Variants in SALL3 observed in about 807,000 individuals in gnomAD.
The protein encoded by SALL3 is spalt like transcription factor 3.
Under a neutral mutation model 66.2 loss-of-function variants are expected in SALL3, and 25 were observed. That is an observed-to-expected ratio of 0.38 (90% CI 0.28 to 0.53). The LOEUF is 0.53. Among genes scored for constraint, SALL3 ranks in the 20% least tolerant of loss-of-function variants. The pLI, the probability that SALL3 is intolerant of heterozygous loss-of-function variation, is 0.85. For missense variants in SALL3, 2,194 were observed against 1,916.5 expected (o/e 1.14, Z -2.70); for synonymous variants, 1,152 against 899.1 (o/e 1.28, Z -5.03).
chr18:78,980,423 G>C, intron 1 of SALL3, 67 bp downstream of exon 1: 1 of 998,486 alleles, frequency 1.0e-6, no homozygotes, highest in Non-Finnish European at 1.3e-6. Context: ...GGAAGCGCGT[G>C]CGGCGGGAGC....
rs78322910 is a variant in SALL3 at position 78,994,444 on chromosome 18, C to G, written c.2453C>G (p.Pro818Arg). The G allele has an allele frequency of 1.2e-6, 2 of 1,612,284 alleles. No individual in the cohort carries two copies. The highest frequency in any genetic ancestry group is 1.7e-6 in the Non-Finnish European group (2 of 1,179,882). ...GAGCTGAAGGACGCGGCCACCGACC[C>G]GGCCAAGCCACTCCTGTCCTACGCG... ...DAELKDAATD[P>R]AKPLLSYAGS... The change falls in exon 2 of 3, where the codon CCG becomes CGG. Residue 818 changes from proline (P) to arginine (R), a missense_variant. Pro to Arg is a moderately radical substitution (Grantham distance 103). Coordinates refer to ENST00000537592, the MANE Select transcript of SALL3 (RefSeq NM_171999.4).
At chr18:78,987,454 C>G (rs958809749) in intron 1 of SALL3, among the ~76,000 whole-genome samples, 35 of 152,234 alleles carry the variant, frequency 2.3e-4, no homozygotes, top group African/African-American at 7.7e-4. Context: ...CTCTGAAAGG[C>G]CTGTGGGACC....
rs72117247 is a variant in SALL3, at chr18:78,991,383, TGGG to T, written c.83-682_83-680del. Among the ~76,000 whole-genome samples, 8 of 92,228 alleles carry T rather than the reference TGGG, an allele frequency of 8.7e-5. 1 individual carries two copies. Among genetic ancestry groups the T allele is most frequent in the Non-Finnish European group, 1.1e-4 (5 of 43,920 alleles). The allele number at this position is 92,228 out of a possible 152,430, so 60.5% of individuals were successfully genotyped here. ...CCCTATCTGGAAGAAAGTACAAGGGTGGGGGGGGGGGAACTGCTCTGTCGCTCT... is the reference window on the plus strand; with the variant it reads ...CCCTATCTGGAAGAAAGTACAAGGGTGGGGGGGGAACTGCTCTGTCGCTCT... On this transcript the variant is annotated intron_variant, in intron 1 of 2. Coordinates refer to ENST00000537592, the MANE Select transcript of SALL3 (RefSeq NM_171999.4).
chr18:78,990,439 T>C (rs2146212772), intron 1 of SALL3, among the ~76,000 whole-genome samples: 1 of 152,362 alleles, frequency 6.6e-6, no homozygotes, highest in South Asian at 2.1e-4. Context: ...CTGAGAATAA[T>C]GGCCTCATGG....
Position 78,992,327 on chromosome 18 carries a change from C to G in SALL3, c.336C>G (p.Ala112=). Residue 112 remains alanine (A), a synonymous_variant, in exon 2 of 3, where the codon GCC becomes GCG. Coordinates refer to ENST00000537592, the MANE Select transcript of SALL3 (RefSeq NM_171999.4). ...SPSERAESEA[A]EEAGAEGAEG... is the part of the protein sequence containing the mutation. Reference sequence around the variant, plus strand: ...GCGAGCGCGCCGAAAGCGAGGCGGCCGAGGAGGCGGGTGCGGAGGGCGCGG... The same window carrying G: ...GCGAGCGCGCCGAAAGCGAGGCGGCGGAGGAGGCGGGTGCGGAGGGCGCGG... 6.9e-7 allele frequency: 1 copy of G among 1,450,562 alleles called. No individual in the cohort carries two copies. Among genetic ancestry groups the G allele is most frequent in the Admixed American group, 2.6e-5 (1 of 38,166 alleles). 89.9% of individuals were successfully genotyped at this position (1,450,562 alleles called of 1,614,324 possible).
chr18:78,991,430 T>C (rs991169137), intron 1 of SALL3, among the ~76,000 whole-genome samples: 13 of 151,930 alleles, frequency 8.6e-5, no homozygotes, highest in Admixed American at 1.3e-4. Flanking sequence ...GGAGATTGTT[T>C]TTCTGAGCTG....
intron 1 of SALL3, among the ~76,000 whole-genome samples, chr18:78,984,305 A>T (rs1423331484): frequency 1.3e-5 from 2 of 152,260 alleles, no homozygotes; most frequent in African/African-American, 4.8e-5. Flanking sequence ...TAGCATTCTT[A>T]AAAGTATTGG....
At chr18:78,984,121 C>T (rs1914161977) in intron 1 of SALL3, among the ~76,000 whole-genome samples, 1 of 152,154 alleles carries the variant, frequency 6.6e-6, no homozygotes. Flanking sequence ...CAAGCTGATT[C>T]TTTTTTGTAT....
Position 78,980,304 on chromosome 18 carries a change from G to C in SALL3, c.30G>C (p.Gln10His). The C allele has an allele frequency of 7.0e-7, 1 of 1,431,890 alleles. No individual in the cohort carries two copies. Among genetic ancestry groups the C allele is most frequent in the Non-Finnish European group, 9.2e-7 (1 of 1,085,834 alleles). 88.7% of individuals were successfully genotyped at this position (1,431,890 alleles called of 1,614,324 possible). A position where few individuals can be genotyped will look rare whatever the true frequency, so the allele number is the denominator to read the frequency against. Residue 10 changes from glutamine to histidine, a missense_variant, in exon 1 of 3, where the codon CAG (glutamine) becomes CAC (histidine). Gln to His is a conservative substitution (Grantham distance 24). Transcript: ENST00000537592. MSRRKQAKP[Q>H]HLKSDEELLP... ...CTCGGCGCAAGCAGGCCAAGCCCCAGCACCTCAAGTCGGACGAGGAGCTGC... is the reference window on the plus strand; with the variant it reads ...CTCGGCGCAAGCAGGCCAAGCCCCACCACCTCAAGTCGGACGAGGAGCTGC...
rs1339506191 is a variant in SALL3, at chr18:78,995,253, G to T, written c.3262G>T (p.Ala1088Ser). 1.3e-6 allele frequency: 2 copies of T among 1,598,144 alleles called. No individual in the cohort carries two copies. The highest frequency in any genetic ancestry group is 1.7e-6 in the Non-Finnish European group (2 of 1,177,198). ...PPLPAGVQVP[A>S]GPQTVMGPGL... The stretch of plus-strand genomic sequence containing the variant: ...GCTGCCCGCGGGCGTCCAGGTCCCC[G>T]CCGGGCCTCAGACAGTGATGGGCCC... The change falls in exon 2 of 3, where the codon GCC becomes TCC. Residue 1088 changes from alanine to serine, a missense_variant. Physicochemically the swap from Ala to Ser is moderately conservative, Grantham distance 99 (BLOSUM62 1). Coordinates refer to ENST00000537592, the MANE Select transcript of SALL3 (RefSeq NM_171999.4).
At position 78,992,145 on chromosome 18, in the gene SALL3, G is replaced by T. The variant is rs1296338924; in HGVS notation, c.154G>T (p.Val52Leu). The change falls in exon 2 of 3, where the codon GTG becomes TTG. Residue 52 changes from valine (V) to leucine (L), a missense_variant. Physicochemically the swap from Val to Leu is conservative, Grantham distance 32. Coordinates refer to ENST00000537592, the MANE Select transcript of SALL3 (RefSeq NM_171999.4). ...ESRSGGEETSVCEKCCAEFFK... is the reference protein window; with the variant it reads ...ESRSGGEETSLCEKCCAEFFK... ...CCGCAGCGGGGGCGAGGAGACCAGC[G>T]TGTGCGAGAAATGCTGCGCCGAGTT... is the stretch of plus-strand genomic sequence containing the variant. The T allele has an allele frequency of 1.9e-6, 3 of 1,607,340 alleles. No homozygotes were observed. The highest frequency in any genetic ancestry group is 1.7e-5 in the Admixed American group (1 of 59,472).
Position 78,993,318 on chromosome 18 carries a change from A to G in SALL3, c.1327A>G (p.Thr443Ala). The G allele has an allele frequency of 6.2e-7, 1 of 1,612,336 alleles. No homozygotes were observed. The highest frequency in any genetic ancestry group is 8.5e-7 in the Non-Finnish European group (1 of 1,179,892). ...GCTCCAGATCCACCTGCGCTCGCAC[A>G]CAGGCGAGCGGCCCTTCAAGTGCAA... ...SALQIHLRSH[T>A]GERPFKCNIC... Residue 443 changes from threonine (T) to alanine (A), a missense_variant, in exon 2 of 3, where the codon ACA (threonine) becomes GCA (alanine). By Grantham distance (58) the Thr-to-Ala change is moderately conservative. Transcript: ENST00000537592.
chr18:78,995,215 G>C lies in SALL3; in HGVS notation c.3224G>C (p.Gly1075Ala). Residue 1075 changes from glycine to alanine, a missense_variant, in exon 2 of 3, where the codon GGC becomes GCC. Physicochemically the swap from Gly to Ala is moderately conservative, Grantham distance 60 (BLOSUM62 0). Transcript: ENST00000537592. ...GGTCACGGCAAGGCCATGGCGCTGGGCGAGGGTCCCCCGCTGCCCGCGGGC... is the reference window on the plus strand; with the variant it reads ...GGTCACGGCAAGGCCATGGCGCTGGCCGAGGGTCCCCCGCTGCCCGCGGGC... ...VNGHGKAMAL[G>A]EGPPLPAGVQ... is the part of the protein sequence containing the mutation. The C allele has an allele frequency of 6.2e-7, 1 of 1,607,992 alleles. No homozygotes were observed. Among genetic ancestry groups the C allele is most frequent in the South Asian group, 1.1e-5 (1 of 91,072 alleles).
In SALL3 at chr18:78,980,232, CTGA is replaced by C; in HGVS notation, c.-40_-38del. On this transcript the variant is annotated 5_prime_UTR_variant, in exon 1 of 3. It removes an upstream start codon present in the reference 5' UTR. Coordinates refer to ENST00000537592, the MANE Select transcript of SALL3 (RefSeq NM_171999.4). ...CGCGCCGTCCCCGCCGGCCGCCCCGCTGATGCCGCTGCCCCGCGCGGGGCCCGA... is the reference window on the plus strand; with the variant it reads ...CGCGCCGTCCCCGCCGGCCGCCCCGCTGCCGCTGCCCCGCGCGGGGCCCGA... 9.7e-7 allele frequency: 1 copy of C among 1,030,920 alleles called. No individual in the cohort carries two copies. Among genetic ancestry groups the C allele is most frequent in the Non-Finnish European group, 1.2e-6 (1 of 852,760 alleles). 63.9% of individuals were successfully genotyped at this position (1,030,920 alleles called of 1,614,324 possible).
At chr18:78,988,174 A>AG (rs1914310010) in intron 1 of SALL3, among the ~76,000 whole-genome samples, 1 of 152,264 alleles carries the variant, frequency 6.6e-6, no homozygotes, top group Admixed American at 6.5e-5. Context: ...TAATTTAAAA[A>AG]GGTGGTTAAA....
rs1306929757 is a variant in SALL3 at position 78,979,848 on chromosome 18, T to A, written c.-427T>A. 1.4e-5 allele frequency among the ~76,000 whole-genome samples: 2 copies of A among 143,108 alleles called. No individual in the cohort carries two copies. The highest frequency in any genetic ancestry group is 5.0e-5 in the African/African-American group (2 of 39,880). 93.9% of individuals were successfully genotyped at this position (143,108 alleles called of 152,430 possible). ...CGGCGCCGCGCGGACGCCGCCAAAG[T>A]TTGCTGCCTGCGCCCTGCGGAGGGA... On this transcript the variant is annotated 5_prime_UTR_variant, in exon 1 of 3. Coordinates refer to ENST00000537592, the MANE Select transcript of SALL3 (RefSeq NM_171999.4).
intron 1 of SALL3, among the ~76,000 whole-genome samples, chr18:78,980,962 C>T (rs1226795419): frequency 1.3e-5 from 2 of 152,184 alleles, no homozygotes; most frequent in African/African-American, 4.8e-5. Flanking sequence ...TGGGGGTGAG[C>T]GCAGCGGCGG....
chr18:78,997,217 C>T lies in SALL3; in HGVS notation c.3798C>T (p.Gly1266=). ...MASGMDKART[G]SSPPIVSLDK... is the part of the protein sequence containing the mutation. ...GTGGGATGGACAAAGCACGCACTGG[C>T]AGTAGCCCACCCATCGTCAGCTTGG... The change falls in exon 3 of 3, where the codon GGC becomes GGT. Residue 1266 remains glycine (G), a synonymous_variant. Coordinates refer to ENST00000537592, the MANE Select transcript of SALL3 (RefSeq NM_171999.4). 6.2e-7 allele frequency: 1 copy of T among 1,614,042 alleles called. No individual in the cohort carries two copies. The highest frequency in any genetic ancestry group is 8.5e-7 in the Non-Finnish European group (1 of 1,180,038).
rs1050921195 is a variant in SALL3 at position 78,997,758 on chromosome 18, C to T, written c.*436C>T. ...TGTTAAAGACGTGGTTTAGTACTCC[C>T]AATGCTGTGTATCATGACACTATCT... On this transcript the variant is annotated 3_prime_UTR_variant, in exon 3 of 3. Transcript: ENST00000537592. 1 of 179,198 alleles carries T rather than the reference C, an allele frequency of 5.6e-6. No homozygotes were observed. Among genetic ancestry groups the T allele is most frequent in the Non-Finnish European group, 1.2e-5 (1 of 84,734 alleles). 11.1% of individuals were successfully genotyped at this position (179,198 alleles called of 1,614,324 possible). A position where few individuals can be genotyped will look rare whatever the true frequency, so the allele number is the denominator to read the frequency against.
Sources: gnomAD v4.1 joint callset for allele counts (sites outside exome capture counted in the v4.1 genomes callset) on GRCh38, gnomAD v4.1.1 for gene constraint, MANE v1.5 for transcripts, NCBI Gene and HGNC (gene_info 2026-07-23, HGNC 2026-07-21) for gene names.